The following NTAQ1 variants were observed in gnomAD, a reference collection of about 807,000 sequenced individuals.
NTAQ1 encodes protein N-terminal glutamine amidohydrolase.
A neutral mutation model predicts 28.2 loss-of-function variants in NTAQ1; 21 were observed. That is an observed-to-expected ratio of 0.74 (90% CI 0.53 to 1.07). The LOEUF is 1.07. Ranked by LOEUF, NTAQ1 falls within the 50% of genes least tolerant of loss-of-function variation. The pLI, the probability that NTAQ1 is intolerant of heterozygous loss-of-function variation, is 0.00. For synonymous variants in NTAQ1, 105 were observed against 90.0 expected, an observed-to-expected ratio of 1.17 and a Z score of -0.94; for missense variants, 264 against 256.6, an observed-to-expected ratio of 1.03 and a Z score of -0.20.
chr8:123,463,222 A>G (rs911782589), intron 6 of NTAQ1, among the ~76,000 whole-genome samples: 39 of 152,354 alleles, frequency 2.6e-4, no homozygotes, highest in African/African-American at 8.7e-4. Flanking sequence ...CTTCTGCTTT[A>G]TGATGATATT....
chr8:123,469,407 T>C (rs1380506904), exon 7 of NTAQ1, among the ~76,000 whole-genome samples: 1 of 152,234 alleles, frequency 6.6e-6, no homozygotes, highest in African/African-American at 2.4e-5. Context: ...CTAGGCTGGT[T>C]ATTCATCCTG....
At chr8:123,432,866 G>C (rs534646828) in intron 3 of NTAQ1, among the ~76,000 whole-genome samples, 1 of 151,952 alleles carries the variant, frequency 6.6e-6, no homozygotes, top group Non-Finnish European at 1.5e-5. Context: ...TTTTAGTAGA[G>C]ATGGGATTTT....
At position 123,438,194 on chromosome 8, in the gene NTAQ1, A is replaced by C. The variant is rs1475877412; in HGVS notation, c.508+860A>C. 7.1e-6 allele frequency: 5 copies of C among 702,044 alleles called. No homozygotes were observed. In the South Asian group the frequency reaches 7.4e-5, roughly 10 times the overall value. 43.5% of individuals were successfully genotyped at this position (702,044 alleles called of 1,614,324 possible). A position where few individuals can be genotyped will look rare whatever the true frequency, so the allele number is the denominator to read the frequency against. On this transcript the variant is annotated intron_variant, in intron 5 of 5. Coordinates refer to ENST00000287387, the MANE Select transcript of NTAQ1 (RefSeq NM_018024.3). Reference sequence around the variant, plus strand: ...AAGATAAAGGGTCCTTCACCCTATTACTATTGTTTGGCATTCATATGAGTT... The same window carrying C: ...AAGATAAAGGGTCCTTCACCCTATTCCTATTGTTTGGCATTCATATGAGTT...
downstream of NTAQ1, among the ~76,000 whole-genome samples, chr8:123,445,329 C>T (rs991720258): frequency 2.5e-4 from 38 of 150,304 alleles, no homozygotes; most frequent in Non-Finnish European, 1.0e-4. Context: ...TACTTTTTTC[C>T]CTTCACTAAA....
intron 3 of NTAQ1, among the ~76,000 whole-genome samples, chr8:123,433,727 C>T (rs2130269269): frequency 6.6e-6 from 1 of 152,246 alleles, no homozygotes; most frequent in Non-Finnish European, 1.5e-5. Context: ...GGATTACAGG[C>T]ATGAGCTACC....
downstream of NTAQ1, among the ~76,000 whole-genome samples, chr8:123,472,885 AGT>A (rs1312002918): frequency 1.3e-5 from 2 of 152,166 alleles, no homozygotes; most frequent in Non-Finnish European, 2.9e-5. Flanking sequence ...CATTAGCCAA[AGT>A]GTCTTCCTTC....
At chr8:123,418,146 C>T (rs1207125877) in intron 1 of NTAQ1, among the ~76,000 whole-genome samples, 1 of 152,164 alleles carries the variant, frequency 6.6e-6, no homozygotes, top group Non-Finnish European at 1.5e-5. Flanking sequence ...TTGGTTCTTT[C>T]ATTTTGAGAG....
chr8:123,447,083 C>T (rs144877967), downstream of NTAQ1, among the ~76,000 whole-genome samples: 2 of 152,068 alleles, frequency 1.3e-5, no homozygotes, highest in African/African-American at 4.8e-5. Context: ...TTATCAGAAA[C>T]CTCATTCTAA....
chr8:123,465,364 C>G (rs117767498), intron 6 of NTAQ1, among the ~76,000 whole-genome samples: 2,519 of 152,052 alleles, frequency 0.017, 43 homozygotes, highest in Non-Finnish European at 0.023. Flanking sequence ...TAATCACTAC[C>G]AAAACAAGGA....
intron 1 of NTAQ1, among the ~76,000 whole-genome samples, chr8:123,419,563 C>T (rs1216148521): frequency 6.6e-6 from 1 of 152,156 alleles, no homozygotes; most frequent in Non-Finnish European, 1.5e-5. Flanking sequence ...ATTTCTGATT[C>T]TGACTTAATT....
chr8:123,461,494 C>A (rs1287485593), intron 6 of NTAQ1, among the ~76,000 whole-genome samples: 2 of 152,180 alleles, frequency 1.3e-5, no homozygotes, highest in Non-Finnish European at 2.9e-5. Flanking sequence ...TGCTCAAGCT[C>A]ACATATCCAG....
At chr8:123,450,904 G>A (rs917987509), downstream of NTAQ1, among the ~76,000 whole-genome samples, 22 of 152,058 alleles carry the variant, frequency 1.4e-4, no homozygotes, top group African/African-American at 4.3e-4. Flanking sequence ...TCTCATTCCC[G>A]TTTTCAAACA....
intron 4 of NTAQ1, 105 bp from the exon 5 acceptor site, chr8:123,437,105 T>C: frequency 2.8e-6 from 4 of 1,423,844 alleles, no homozygotes; most frequent in Non-Finnish European, 3.8e-6. Flanking sequence ...CAGAAATGCA[T>C]GAGTAGTTTT....
intron 6 of NTAQ1, among the ~76,000 whole-genome samples, chr8:123,463,009 C>T (rs932544842): frequency 6.6e-6 from 1 of 152,144 alleles, no homozygotes; most frequent in Non-Finnish European, 1.5e-5. Flanking sequence ...CTTGGTACAC[C>T]AGGGGGAGCA....
chr8:123,437,705 A>G lies in NTAQ1; in HGVS notation c.508+371A>G, dbSNP rs1349388047. On this transcript the variant is annotated intron_variant, in intron 5 of 5. Transcript: ENST00000287387. ...GTGACAGAGTGAGACTCCATCTCAAAAAAAAAAAAAAACAAAAAACAAAAA... is the reference window on the plus strand; with the variant it reads ...GTGACAGAGTGAGACTCCATCTCAAGAAAAAAAAAAAACAAAAAACAAAAA... Among the ~76,000 whole-genome samples, 17 of 92,074 alleles carry G rather than the reference A, an allele frequency of 1.8e-4. No homozygotes were observed. The East Asian group carries it at 5.3e-3, about 28-fold the overall frequency. 60.4% of individuals were successfully genotyped at this position (92,074 alleles called of 152,430 possible).
chr8:123,452,895 A>C (rs887943556), downstream of NTAQ1, among the ~76,000 whole-genome samples: 7 of 152,204 alleles, frequency 4.6e-5, no homozygotes, highest in African/African-American at 7.2e-5. Flanking sequence ...CCCTCTCAAA[A>C]AAAACAAAAC....
rs1439776899 is a variant in NTAQ1, at chr8:123,442,201, C to T, written c.*786C>T. On this transcript the variant is annotated 3_prime_UTR_variant, in exon 6 of 6. Transcript: ENST00000287387. ...TGAAAGATATTTGGCATTACATTGG[C>T]ATATAGTACCAGCTCTCATGTTTTC... 2 of 152,134 alleles carry T rather than the reference C, an allele frequency of 1.3e-5. No homozygotes were observed. The highest frequency in any genetic ancestry group is 3.9e-4 in the East Asian group (2 of 5,190). The allele number at this position is 152,134 out of a possible 1,614,324, so 9.4% of individuals were successfully genotyped here.
downstream of NTAQ1, among the ~76,000 whole-genome samples, chr8:123,472,640 C>T (rs1307016212): frequency 6.6e-6 from 1 of 152,188 alleles, no homozygotes; most frequent in Non-Finnish European, 1.5e-5. Flanking sequence ...AAACAGCAGT[C>T]ATTGGATTTA....
chr8:123,473,297 T>TA (rs1563910971), downstream of NTAQ1, among the ~76,000 whole-genome samples: 18 of 142,986 alleles, frequency 1.3e-4, no homozygotes, highest in Non-Finnish European at 2.5e-4. Flanking sequence ...TTCTTGAAAT[T>TA]CTTTTTTTTT....
Sources: gnomAD v4.1 joint callset for allele counts (sites outside exome capture counted in the v4.1 genomes callset) on GRCh38, gnomAD v4.1.1 for gene constraint, MANE v1.5 for transcripts, NCBI Gene and HGNC (gene_info 2026-07-23, HGNC 2026-07-21) for gene names.